Variants in EBF3 observed in about 807,000 individuals in gnomAD.
EBF3 encodes the protein EBF transcription factor 3.
EBF3 carries 18 observed loss-of-function variants against 77.1 expected under a neutral mutation model. That is an observed-to-expected ratio of 0.23 (90% CI 0.16 to 0.35). The LOEUF is 0.35. Ranked by LOEUF, EBF3 falls within the 10% of genes least tolerant of loss-of-function variation. EBF3 has a pLI of 1.00. For missense variants in EBF3, 558 were observed against 860.0 expected, an observed-to-expected ratio of 0.65 and a Z score of 4.39; for synonymous variants, 350 against 343.5, an observed-to-expected ratio of 1.02 and a Z score of -0.21.
At position 129,852,350 on chromosome 10, in the gene EBF3, G is replaced by A. The variant is rs556393679; in HGVS notation, c.1040-3870C>T. 9.8e-5 allele frequency among the ~76,000 whole-genome samples: 15 copies of A among 152,296 alleles called. No homozygotes were observed. In the South Asian group the frequency reaches 2.5e-3, roughly 25 times the overall value. On this transcript the variant is annotated intron_variant, in intron 10 of 16. Transcript: ENST00000440978. ...ACACCGCACTTGATACAATGTTAAC[G>A]GTCTGTGATGTCAGTTCAACTTGGG...
At chr10:129,856,297 C>G (rs1270592478) in intron 10 of EBF3, among the ~76,000 whole-genome samples, 1 of 152,120 alleles carries the variant, frequency 6.6e-6, no homozygotes, top group African/African-American at 2.4e-5. Flanking sequence ...TGTATTCACA[C>G]ATGTTCCTGG....
Position 129,840,227 on chromosome 10 carries a change from G to T in EBF3, c.1759+18C>A, listed in dbSNP as rs758813514. 9 of 1,545,996 alleles carry T rather than the reference G, an allele frequency of 5.8e-6. No individual in the cohort carries two copies. In the South Asian group the frequency reaches 1.1e-4, roughly 18 times the overall value. ...GGAGAGGACCCAGCACTGGCCCACGGCCCCGCACCACCCTCACCTTGCAGT... is the reference window on the plus strand; with the variant it reads ...GGAGAGGACCCAGCACTGGCCCACGTCCCCGCACCACCCTCACCTTGCAGT... On this transcript the variant is annotated intron_variant, in intron 15 of 16. Coordinates refer to ENST00000440978, the MANE Select transcript of EBF3 (RefSeq NM_001375380.1).
Position 129,905,270 on chromosome 10 carries a change from T to C in EBF3, c.555-27421A>G, listed in dbSNP as rs1445759858. On this transcript the variant is annotated intron_variant, in intron 6 of 16. Coordinates refer to ENST00000440978, the MANE Select transcript of EBF3 (RefSeq NM_001375380.1). ...CAACTAGGCATGTGGTAGGGGCCGGTCCTCATGGAGATGTGCTGTTTGTGT... is the reference window on the plus strand; with the variant it reads ...CAACTAGGCATGTGGTAGGGGCCGGCCCTCATGGAGATGTGCTGTTTGTGT... 3.3e-5 allele frequency among the ~76,000 whole-genome samples: 5 copies of C among 152,316 alleles called. No individual in the cohort carries two copies. In the East Asian group the frequency reaches 9.7e-4, roughly 29 times the overall value.
intron 6 of EBF3, among the ~76,000 whole-genome samples, chr10:129,881,230 C>T (rs998863632): frequency 3.3e-5 from 5 of 152,146 alleles, no homozygotes; most frequent in African/African-American, 1.2e-4. Flanking sequence ...CACGAAGAGG[C>T]GATAAAAATT....
At chr10:129,909,564 G>A (rs905726361) in intron 6 of EBF3, among the ~76,000 whole-genome samples, 1 of 152,216 alleles carries the variant, frequency 6.6e-6, no homozygotes, top group East Asian at 1.9e-4. Flanking sequence ...TGGAGCAGCA[G>A]CTAAGCCTTA....
intron 5 of EBF3, 67 bp downstream of exon 5, chr10:129,958,867 C>T (rs947365189): frequency 2.4e-5 from 36 of 1,516,734 alleles, no homozygotes; most frequent in Non-Finnish European, 3.1e-5. Flanking sequence ...CTGGACGCGG[C>T]GTCCTTTGTA....
Position 129,963,848 on chromosome 10 carries a change from G to A in EBF3, c.-80C>T. 1 of 1,420,766 alleles carries A rather than the reference G, an allele frequency of 7.0e-7. No homozygotes were observed. The highest frequency in any genetic ancestry group is 3.6e-5 in the East Asian group (1 of 27,846). The allele number at this position is 1,420,766 out of a possible 1,614,324, so 88.0% of individuals were successfully genotyped here. A position where few individuals can be genotyped will look rare whatever the true frequency, so the allele number is the denominator to read the frequency against. On this transcript the variant is annotated 5_prime_UTR_variant, in exon 1 of 17. Transcript: ENST00000440978. This position sits in a 1 kb window ranked among gnomAD's most constrained non-coding sequence, Gnocchi z 7.1. ...GGCGCTCGGGGCTTGGCGGCAGGCG[G>A]CTGCCCTGGCCGCCCTCGCCCTGCT...
At chr10:129,955,819 A>G (rs1025676191) in intron 6 of EBF3, among the ~76,000 whole-genome samples, 2 of 152,220 alleles carry the variant, frequency 1.3e-5, no homozygotes, top group Non-Finnish European at 2.9e-5. Context: ...CACTTTCGCA[A>G]TCCTTCATTT....
Position 129,836,930 on chromosome 10 carries a change from T to C in EBF3, c.*1013A>G, listed in dbSNP as rs1413974179. 6.6e-6 allele frequency: 1 copy of C among 152,634 alleles called. No homozygotes were observed. Among genetic ancestry groups the C allele is most frequent in the Non-Finnish European group, 1.5e-5 (1 of 68,044 alleles). 9.5% of individuals were successfully genotyped at this position (152,634 alleles called of 1,614,324 possible). On this transcript the variant is annotated 3_prime_UTR_variant, in exon 17 of 17. Coordinates refer to ENST00000440978, the MANE Select transcript of EBF3 (RefSeq NM_001375380.1). ...ACCATTTTATTCCTTATAAGACACA[T>C]AAGGAATAAAACTTGTTTTTCTAAA... is the stretch of plus-strand genomic sequence containing the variant.
intron 6 of EBF3, among the ~76,000 whole-genome samples, chr10:129,894,168 T>G (rs569315774): frequency 2.0e-5 from 3 of 152,248 alleles, no homozygotes; most frequent in Admixed American, 6.5e-5. Flanking sequence ...TCTGTCAAGC[T>G]GGTGATCTGC....
At chr10:129,858,067 G>A (rs927428054) in intron 10 of EBF3, among the ~76,000 whole-genome samples, 1 of 152,198 alleles carries the variant, frequency 6.6e-6, no homozygotes, top group African/African-American at 2.4e-5. Flanking sequence ...TGGTGAACAC[G>A]GGGCTCGGGC....
intron 4 of EBF3, among the ~76,000 whole-genome samples, chr10:129,960,135 G>C (rs966131874): frequency 6.6e-6 from 1 of 152,158 alleles, no homozygotes; most frequent in Non-Finnish European, 1.5e-5. Flanking sequence ...AAGTCTACTG[G>C]GGGAGGGGCG....
At chr10:129,872,005 C>T (rs1051816615) in intron 8 of EBF3, among the ~76,000 whole-genome samples, 4 of 152,202 alleles carry the variant, frequency 2.6e-5, no homozygotes, top group African/African-American at 4.8e-5. Context: ...TTTCTCTAAA[C>T]GCTACATTTT....
At chr10:129,950,473 GCTCT>G (rs1858592963) in intron 6 of EBF3, among the ~76,000 whole-genome samples, 1 of 152,186 alleles carries the variant, frequency 6.6e-6, no homozygotes, top group Non-Finnish European at 1.5e-5. Flanking sequence ...TCCCTGCAGT[GCTCT>G]CTATCGAATT....
At chr10:129,896,630 C>T (rs1048896675) in intron 6 of EBF3, among the ~76,000 whole-genome samples, 6 of 152,344 alleles carry the variant, frequency 3.9e-5, no homozygotes, top group Admixed American at 6.5e-5. Context: ...CTCCCGGAGG[C>T]GGTGCACCGT....
intron 6 of EBF3, among the ~76,000 whole-genome samples, chr10:129,896,455 C>T (rs1054334487): frequency 3.3e-5 from 5 of 152,226 alleles, no homozygotes; most frequent in East Asian, 1.9e-4. Context: ...GGCCTGGCGT[C>T]GCCCGCCATT....
At chr10:129,867,984 G>A (rs898547897) in intron 8 of EBF3, 72 bp from the exon 9 acceptor site, 29 of 1,570,084 alleles carry the variant, frequency 1.8e-5, no homozygotes, top group African/African-American at 4.1e-5. Context: ...CTCGGCCACC[G>A]CGCGTCCCGC....
chr10:129,852,204 G>C (rs961232340), intron 10 of EBF3, among the ~76,000 whole-genome samples: 9 of 152,180 alleles, frequency 5.9e-5, no homozygotes, highest in African/African-American at 2.2e-4. Context: ...GCTCGGGAAG[G>C]ATACATATTT....
intron 6 of EBF3, among the ~76,000 whole-genome samples, chr10:129,883,017 A>C (rs1447434736): frequency 6.6e-6 from 1 of 152,186 alleles, no homozygotes; most frequent in Admixed American, 6.5e-5. Flanking sequence ...TGAAGAGAAA[A>C]AGGAAACTTT....
Sources: gnomAD v4.1 joint callset for allele counts (sites outside exome capture counted in the v4.1 genomes callset) on GRCh38, gnomAD v4.1.1 for gene constraint, Gnocchi (gnomAD v3.1) non-coding constraint, MANE v1.5 for transcripts, NCBI Gene and HGNC (gene_info 2026-07-23, HGNC 2026-07-21) for gene names.